The following SLIT2 variants were observed in gnomAD, a reference collection of about 807,000 sequenced individuals.
The protein encoded by SLIT2 is slit homolog 2 protein.
SLIT2 carries 41 observed loss-of-function variants against 185.7 expected under a neutral mutation model. The ratio of observed to expected loss-of-function variants is 0.22; its 90% CI spans 0.17 to 0.29. SLIT2 has a LOEUF of 0.29. Among genes scored for constraint, SLIT2 ranks in the 10% least tolerant of loss-of-function variants. The pLI, the probability that SLIT2 is intolerant of heterozygous loss-of-function variation, is 1.00. For missense variants in SLIT2, 1,571 were observed against 1,909.0 expected (o/e 0.82, Z 3.30); for synonymous variants, 693 against 680.2 (o/e 1.02, Z -0.29).
At chr4:20,576,774 C>T (rs1341991487) in intron 29 of SLIT2, among the ~76,000 whole-genome samples, 2 of 152,130 alleles carry the variant, frequency 1.3e-5, no homozygotes, top group East Asian at 3.9e-4. Flanking sequence ...AGTTAATAGG[C>T]AGTGCCCATT....
At chr4:20,547,127 T>C (rs1479474672) in intron 22 of SLIT2, among the ~76,000 whole-genome samples, 4 of 152,102 alleles carry the variant, frequency 2.6e-5, no homozygotes, top group Non-Finnish European at 4.4e-5. Flanking sequence ...TCAAACACTT[T>C]ATAGAAAGTA....
chr4:20,273,997 A>G (rs558778897), intron 4 of SLIT2, among the ~76,000 whole-genome samples: 21 of 152,280 alleles, frequency 1.4e-4, no homozygotes, highest in African/African-American at 5.1e-4. Context: ...ATCATTACTC[A>G]TCTAGCGCGC....
At chr4:20,521,271 G>A (rs919926705) in intron 12 of SLIT2, among the ~76,000 whole-genome samples, 10 of 152,100 alleles carry the variant, frequency 6.6e-5, no homozygotes, top group African/African-American at 2.2e-4. Flanking sequence ...CTACACTAAG[G>A]CTCATTCTTA....
At chr4:20,590,593 A>G (rs1727443126) in intron 30 of SLIT2, among the ~76,000 whole-genome samples, 1 of 152,196 alleles carries the variant, frequency 6.6e-6, no homozygotes, top group Non-Finnish European at 1.5e-5. Context: ...GTGACAAAGC[A>G]TTATAATCCC....
At chr4:20,549,941 C>G (rs1424509984) in intron 24 of SLIT2, among the ~76,000 whole-genome samples, 1 of 151,946 alleles carries the variant, frequency 6.6e-6, no homozygotes, top group African/African-American at 2.4e-5. Flanking sequence ...ATACATTCCT[C>G]TTGGTGCAAA....
intron 3 of SLIT2, among the ~76,000 whole-genome samples, chr4:20,261,150 G>A (rs886945033): frequency 6.6e-6 from 1 of 151,718 alleles, no homozygotes; most frequent in Non-Finnish European, 1.5e-5. Context: ...ATTGCTAGTG[G>A]TACCTGTTTA....
intron 29 of SLIT2, among the ~76,000 whole-genome samples, chr4:20,574,801 A>C (rs971739035): frequency 3.3e-5 from 5 of 151,890 alleles, no homozygotes; most frequent in East Asian, 1.9e-4. Flanking sequence ...AAAAAAAAAA[A>C]AAAAAACAAA....
At chr4:20,421,069 C>G (rs190453866) in intron 4 of SLIT2, among the ~76,000 whole-genome samples, 12 of 152,196 alleles carry the variant, frequency 7.9e-5, no homozygotes, top group Non-Finnish European at 1.6e-4. Context: ...AAACTGGTAC[C>G]TGGAGGTAGA....
At chr4:20,436,452 C>G (rs1001755595) in intron 4 of SLIT2, among the ~76,000 whole-genome samples, 9 of 152,282 alleles carry the variant, frequency 5.9e-5, no homozygotes, top group African/African-American at 1.9e-4. Flanking sequence ...TGAGGATGCT[C>G]TAAATTTTAA....
At chr4:20,567,950 A>G (rs962090283) in intron 28 of SLIT2, among the ~76,000 whole-genome samples, 2 of 152,092 alleles carry the variant, frequency 1.3e-5, no homozygotes, top group African/African-American at 2.4e-5. Context: ...ACTGCTAGTC[A>G]TATATTCATC....
chr4:20,373,451 A>G (rs760127061), intron 4 of SLIT2, among the ~76,000 whole-genome samples: 1 of 152,100 alleles, frequency 6.6e-6, no homozygotes, highest in South Asian at 2.1e-4. Context: ...AGTTTAACTC[A>G]TAAGTTTAAT....
intron 4 of SLIT2, among the ~76,000 whole-genome samples, chr4:20,269,958 T>C (rs28440010): frequency 0.013 from 1,942 of 152,056 alleles, 30 homozygotes; most frequent in African/African-American, 0.045. Context: ...ACCAGATCTC[T>C]CCAGAGTCTT....
At chr4:20,347,252 G>A (rs548552895) in intron 4 of SLIT2, among the ~76,000 whole-genome samples, 3 of 152,330 alleles carry the variant, frequency 2.0e-5, no homozygotes, top group East Asian at 3.9e-4. Flanking sequence ...AGGTAAAGGA[G>A]GCAGGGCTCA....
At chr4:20,312,269 A>G (rs1384259705) in intron 4 of SLIT2, among the ~76,000 whole-genome samples, 1 of 152,222 alleles carries the variant, frequency 6.6e-6, no homozygotes, top group African/African-American at 2.4e-5. Context: ...TTTTATTGTG[A>G]ACCAAGAGGA....
At chr4:20,424,711 T>A (rs1437514493) in intron 4 of SLIT2, among the ~76,000 whole-genome samples, 1 of 152,130 alleles carries the variant, frequency 6.6e-6, no homozygotes, top group Non-Finnish European at 1.5e-5. Context: ...TGTATATTTT[T>A]ATAAACAGTC....
At chr4:20,587,980 A>G (rs978263984) in intron 29 of SLIT2, among the ~76,000 whole-genome samples, 1 of 152,228 alleles carries the variant, frequency 6.6e-6, no homozygotes, top group African/African-American at 2.4e-5. Context: ...TTGGATAGAT[A>G]CTACTATAAA....
In SLIT2 at chr4:20,567,293, T is replaced by C. The variant is rs138348581; in HGVS notation, c.2757T>C (p.Cys919=). The C allele has an allele frequency of 1.2e-6, 2 of 1,612,400 alleles. No individual in the cohort carries two copies. The highest frequency in any genetic ancestry group is 1.3e-5 in the African/African-American group (1 of 74,940). ...GPVDVNILAK[C]NPCLSNPCKN... ...TGGATGTCAATATTCTAGCTAAGTG[T>C]AACCCCTGCCTATCAAATCCGTGTA... is the stretch of plus-strand genomic sequence containing the variant. Residue 919 remains cysteine (C), a synonymous_variant, in exon 27 of 37, where the codon TGT becomes TGC. Coordinates refer to ENST00000504154, the MANE Select transcript of SLIT2 (RefSeq NM_004787.4).
At chr4:20,611,141 CAGGTT>C (rs1729185693) in intron 34 of SLIT2, among the ~76,000 whole-genome samples, 1 of 152,194 alleles carries the variant, frequency 6.6e-6, no homozygotes, top group Non-Finnish European at 1.5e-5. Context: ...AAGCTTTGAA[CAGGTT>C]AGTGTACAAT....
intron 29 of SLIT2, among the ~76,000 whole-genome samples, chr4:20,582,967 G>A (rs1268148470): frequency 6.6e-6 from 1 of 152,184 alleles, no homozygotes; most frequent in African/African-American, 2.4e-5. Flanking sequence ...TACGTGCTGG[G>A]TGTGATGGAG....
Sources: allele counts gnomAD v4.1 joint callset (sites outside exome capture counted in the v4.1 genomes callset), GRCh38; gene constraint gnomAD v4.1.1; transcripts MANE v1.5; gene names NCBI Gene and HGNC (gene_info 2026-07-23, HGNC 2026-07-21).